Variants in AFF3 observed in about 807,000 individuals in gnomAD.
AFF3 encodes AF4/FMR2 family member 3.
A neutral mutation model predicts 129.7 loss-of-function variants in AFF3; 32 were observed. That is an observed-to-expected ratio of 0.25 (90% CI 0.19 to 0.33). AFF3 has a LOEUF of 0.33. Ranked by LOEUF, AFF3 falls within the 10% of genes least tolerant of loss-of-function variation. The probability of loss-of-function intolerance (pLI) is 1.00; values close to 1 mark genes in which losing one functional copy is unlikely to be tolerated. For synonymous variants in AFF3, 644 were observed against 635.4 expected (o/e 1.01, Z -0.20); for missense variants, 1,373 against 1,592.0 (o/e 0.86, Z 2.34).
intron 4 of AFF3, among the ~76,000 whole-genome samples, chr2:100,103,655 G>A (rs559368858): frequency 7.3e-4 from 111 of 152,206 alleles, no homozygotes; most frequent in African/African-American, 2.5e-3. Flanking sequence ...GAGATCCCCC[G>A]AGAAACGGAA....
intron 9 of AFF3, among the ~76,000 whole-genome samples, chr2:99,748,130 T>G (rs1225943623): frequency 1.3e-5 from 2 of 152,124 alleles, no homozygotes; most frequent in Non-Finnish European, 2.9e-5. Flanking sequence ...GCTATGCAGC[T>G]CTCTTATTCT....
chr2:99,964,720 T>C (rs527681916), intron 7 of AFF3, among the ~76,000 whole-genome samples: 74 of 152,284 alleles, frequency 4.9e-4, no homozygotes, highest in African/African-American at 1.7e-3. Context: ...AATCTAGCAA[T>C]GTACAAAAAG....
At chr2:100,068,511 G>A (rs1687904697) in intron 4 of AFF3, among the ~76,000 whole-genome samples, 1 of 152,212 alleles carries the variant, frequency 6.6e-6, no homozygotes, top group Admixed American at 6.5e-5. Flanking sequence ...GCCTCAGTTG[G>A]AAGAGGATGA....
At chr2:99,623,901 T>C (rs1424633149) in intron 13 of AFF3, among the ~76,000 whole-genome samples, 1 of 152,242 alleles carries the variant, frequency 6.6e-6, no homozygotes, top group African/African-American at 2.4e-5. Context: ...GCCAAGGCTC[T>C]GAGCCCAGGC....
At chr2:99,670,888 C>T (rs1381938622) in intron 12 of AFF3, among the ~76,000 whole-genome samples, 1 of 152,154 alleles carries the variant, frequency 6.6e-6, no homozygotes, top group Non-Finnish European at 1.5e-5. Context: ...CTGACCTGTA[C>T]ATTCATAACA....
At chr2:99,939,911 C>T (rs1473104842) in intron 7 of AFF3, among the ~76,000 whole-genome samples, 1 of 152,148 alleles carries the variant, frequency 6.6e-6, no homozygotes, top group Admixed American at 6.5e-5. Flanking sequence ...GTCTTGCTCT[C>T]AATGATGGGT....
intron 16 of AFF3, among the ~76,000 whole-genome samples, 153 bp downstream of exon 16, chr2:99,587,001 T>C (rs1210388493): frequency 6.6e-6 from 1 of 152,108 alleles, no homozygotes; most frequent in African/African-American, 2.4e-5. Context: ...TGTGTAGCCA[T>C]AATAATAAGA....
At chr2:99,790,719 TA>T (rs1424260780) in intron 8 of AFF3, among the ~76,000 whole-genome samples, 16 of 152,252 alleles carry the variant, frequency 1.1e-4, no homozygotes, top group African/African-American at 3.9e-4. Context: ...TTATCTGGCC[TA>T]AAATGTCCAT....
chr2:100,041,333 C>CTAA (rs1317311421), intron 4 of AFF3, among the ~76,000 whole-genome samples: 1 of 152,164 alleles, frequency 6.6e-6, no homozygotes, highest in Non-Finnish European at 1.5e-5. Context: ...CAGTGTAATG[C>CTAA]TAAGCAAAAT....
At chr2:99,674,842 C>T (rs1687469581) in intron 11 of AFF3, among the ~76,000 whole-genome samples, 1 of 152,222 alleles carries the variant, frequency 6.6e-6, no homozygotes, top group Non-Finnish European at 1.5e-5. Flanking sequence ...CCACATGAGC[C>T]TGGCATGGCT....
chr2:99,687,633 G>A lies in AFF3; in HGVS notation c.1092-15044C>T, dbSNP rs139160270. On this transcript the variant is annotated intron_variant, in intron 11 of 24. Coordinates refer to ENST00000672756, the MANE Select transcript of AFF3 (RefSeq NM_001386135.1). ...CCCAAGCGAGGGTCTCATAAGCAGGGAGGAAAGTATGGGGCTTAGAGGGAG... is the reference window on the plus strand; with the variant it reads ...CCCAAGCGAGGGTCTCATAAGCAGGAAGGAAAGTATGGGGCTTAGAGGGAG... Among the ~76,000 whole-genome samples, 654 of 152,304 alleles carry A rather than the reference G, an allele frequency of 4.3e-3. 4 individuals are homozygous for A. The highest frequency in any genetic ancestry group is 0.015 in the African/African-American group (618 of 41,558).
chr2:99,696,297 A>G (rs555059550), intron 11 of AFF3, among the ~76,000 whole-genome samples: 1 of 152,332 alleles, frequency 6.6e-6, no homozygotes, highest in Admixed American at 6.5e-5. Context: ...ACTTCATGGC[A>G]CGTTAGAGCA....
intron 13 of AFF3, among the ~76,000 whole-genome samples, chr2:99,627,823 T>C (rs765334975): frequency 1.3e-5 from 2 of 152,242 alleles, no homozygotes; most frequent in Non-Finnish European, 2.9e-5. Flanking sequence ...ATTTATTAAA[T>C]AGGGAATCCT....
In AFF3 at chr2:99,973,545, T is replaced by G. The variant is rs146530748; in HGVS notation, c.873+33087A>C. Among the ~76,000 whole-genome samples, 666 of 152,316 alleles carry G rather than the reference T, an allele frequency of 4.4e-3. 4 individuals are homozygous for G. Among genetic ancestry groups the G allele is most frequent in the African/African-American group, 0.015 (623 of 41,574 alleles). Reference sequence around the variant, plus strand: ...TTGTGCACACAGGGGTAAAAGTCACTTAAAATTGGACTCAAATTACTTCAA... The same window carrying G: ...TTGTGCACACAGGGGTAAAAGTCACGTAAAATTGGACTCAAATTACTTCAA... On this transcript the variant is annotated intron_variant, in intron 7 of 24. Coordinates refer to ENST00000672756, the MANE Select transcript of AFF3 (RefSeq NM_001386135.1).
chr2:100,100,450 C>T (rs917692421), intron 4 of AFF3, among the ~76,000 whole-genome samples: 1 of 151,546 alleles, frequency 6.6e-6, no homozygotes, highest in African/African-American at 2.4e-5. Context: ...CTCAATACCC[C>T]CACCCACACC....
rs1316002441 is a variant in AFF3 at position 100,107,009 on chromosome 2, G to C, written c.-144-1426C>G. Reference sequence around the variant, plus strand: ...TGGTGCCTTGTGTTAATATATGAGAGTGTGTGCACCTAAAGCAATTGCAAG... The same window carrying C: ...TGGTGCCTTGTGTTAATATATGAGACTGTGTGCACCTAAAGCAATTGCAAG... On this transcript the variant is annotated intron_variant, in intron 2 of 24. Transcript: ENST00000672756. 4 of 985,320 alleles carry C rather than the reference G, an allele frequency of 4.1e-6. No homozygotes were observed. In the African/African-American group the frequency reaches 7.0e-5, roughly 17 times the overall value. The allele number at this position is 985,320 out of a possible 1,614,324, so 61.0% of individuals were successfully genotyped here. A position where few individuals can be genotyped will look rare whatever the true frequency, so the allele number is the denominator to read the frequency against.
intron 7 of AFF3, among the ~76,000 whole-genome samples, chr2:99,963,282 G>A (rs1677409544): frequency 2.0e-5 from 3 of 152,140 alleles, no homozygotes; most frequent in African/African-American, 7.2e-5. Context: ...CTTAATAAAT[G>A]GCTAAAGAAA....
chr2:99,773,240 G>A (rs1683630850), intron 8 of AFF3, among the ~76,000 whole-genome samples: 1 of 152,192 alleles, frequency 6.6e-6, no homozygotes, highest in African/African-American at 2.4e-5. Context: ...TCTGAGGGCA[G>A]AGACCCCCTC....
At chr2:99,904,707 C>T (rs1486377530) in intron 7 of AFF3, among the ~76,000 whole-genome samples, 1 of 152,158 alleles carries the variant, frequency 6.6e-6, no homozygotes, top group Non-Finnish European at 1.5e-5. Flanking sequence ...CCCTTTGCCG[C>T]TTCCCCAGAC....
Sources: allele counts gnomAD v4.1 joint callset (sites outside exome capture counted in the v4.1 genomes callset), GRCh38; gene constraint gnomAD v4.1.1; transcripts MANE v1.5; gene names NCBI Gene and HGNC (gene_info 2026-07-23, HGNC 2026-07-21).